RPS24: variants seen among roughly 807,000 people sequenced by gnomAD.
The protein encoded by RPS24 is small ribosomal subunit protein eS24.
For synonymous variants in RPS24, 72 were observed against 55.6 expected (o/e 1.30, Z -1.31); for missense variants, 100 against 162.5 (o/e 0.62, Z 2.09).
Position 78,054,874 on chromosome 10 carries a change from C to T in RPS24, c.734C>T (p.Pro245Leu). 2 of 1,547,854 alleles carry T rather than the reference C, an allele frequency of 1.3e-6. No individual in the cohort carries two copies. Among genetic ancestry groups the T allele is most frequent in the Non-Finnish European group, 1.7e-6 (2 of 1,143,908 alleles). ...GACGGTGACTTGGTCCTCCACTTGC[C>T]AGAAGCCTTGTCAGCAACCTTGACT... The change falls in exon 5 of 5, where the codon CCA becomes CTA. Residue 245 changes from proline to leucine, a missense_variant. Physicochemically the swap from Pro to Leu is moderately conservative, Grantham distance 98. Transcript: ENST00000440692.
At chr10:78,039,450 C>T (rs1847944854) in intron 4 of RPS24, 1 of 152,552 alleles carries the variant, frequency 6.6e-6, no homozygotes, top group Non-Finnish European at 1.5e-5. Flanking sequence ...TAGCACTGCT[C>T]TGAAAAGCCA....
intron 4 of RPS24, chr10:78,037,913 T>C: frequency 3.3e-6 from 3 of 916,748 alleles, no homozygotes; most frequent in Middle Eastern, 2.7e-4. Context: ...TTTTTTTTTT[T>C]TTTTTTTTTT....
chr10:78,044,332 C>T (rs1341766359), downstream of RPS24, among the ~76,000 whole-genome samples: 1 of 152,112 alleles, frequency 6.6e-6, no homozygotes, highest in Non-Finnish European at 1.5e-5. Context: ...ACCAGTCATT[C>T]TGCAAGGGGA....
At position 78,033,991 on chromosome 10, in the gene RPS24, G is replaced by A. The variant is rs1847799603; in HGVS notation, c.3+87G>A. 9 of 1,529,240 alleles carry A rather than the reference G, an allele frequency of 5.9e-6. No individual in the cohort carries two copies. The South Asian group carries it at 6.7e-5, about 11-fold the overall frequency. 94.7% of individuals were successfully genotyped at this position (1,529,240 alleles called of 1,614,324 possible). The stretch of plus-strand genomic sequence containing the variant: ...GTCCCAGTACTTGAGCTATAGGCAC[G>A]CGAAGCCCGGTTGCTCTTCTCTGGC... On this transcript the variant is annotated intron_variant, in intron 1 of 5. Transcript: ENST00000372360.
chr10:78,039,615 C>A (rs1197188925), intron 4 of RPS24: 1 of 154,806 alleles, frequency 6.5e-6, no homozygotes, highest in African/African-American at 2.4e-5. Flanking sequence ...GTTACTTATA[C>A]TAAGGCATTA....
chr10:78,053,221 C>G (rs1432480822), intron 4 of RPS24, among the ~76,000 whole-genome samples: 1 of 151,498 alleles, frequency 6.6e-6, no homozygotes, highest in Non-Finnish European at 1.5e-5. Context: ...AACCTCGGAG[C>G]TAATGGAAGG....
chr10:78,037,452 T>G, intron 4 of RPS24, 148 bp downstream of exon 4: 2 of 1,324,846 alleles, frequency 1.5e-6, no homozygotes, highest in Non-Finnish European at 2.0e-6. Context: ...GTAACATGTT[T>G]TAAGAAACTA....
chr10:78,040,669 G>A lies in RPS24; in HGVS notation c.*74G>A, dbSNP rs763036935. 2.5e-5 allele frequency: 41 copies of A among 1,613,874 alleles called. 1 individual carries two copies. The South Asian group carries it at 3.1e-4, about 12-fold the overall frequency. On this transcript the variant is annotated 3_prime_UTR_variant, in exon 6 of 6. Coordinates refer to ENST00000372360, the MANE Select transcript of RPS24 (RefSeq NM_033022.4). The stretch of plus-strand genomic sequence containing the variant: ...TAGCTGTGGCCACTGTGGATTTTTC[G>A]CAAGAACATTAATAAACTAAAAACT...
At chr10:78,035,292 T>C in intron 1 of RPS24, 60 bp from the exon 2 acceptor site, 1 of 1,522,650 alleles carries the variant, frequency 6.6e-7, no homozygotes, top group Non-Finnish European at 9.1e-7. Flanking sequence ...TCTTGGAAAA[T>C]CACAGCAAGG....
exon 5 of RPS24, chr10:78,055,186 C>CG: frequency 9.2e-7 from 1 of 1,088,942 alleles, no homozygotes; most frequent in East Asian, 2.9e-5. Flanking sequence ...GACCTCCCCA[C>CG]GCCCCCACAA....
chr10:78,035,229 A>C, intron 1 of RPS24, 123 bp from the exon 2 acceptor site: 1 of 958,544 alleles, frequency 1.0e-6, no homozygotes, highest in South Asian at 1.3e-5. Context: ...GGTTTTATTT[A>C]CTTTAGTTCG....
chr10:78,051,661 C>T (rs1848099975), intron 4 of RPS24, among the ~76,000 whole-genome samples: 1 of 152,214 alleles, frequency 6.6e-6, no homozygotes, highest in African/African-American at 2.4e-5. Context: ...AGAGGCAGCA[C>T]CATTTTATGT....
At chr10:78,044,088 A>T (rs995719075), downstream of RPS24, among the ~76,000 whole-genome samples, 1 of 151,340 alleles carries the variant, frequency 6.6e-6, no homozygotes, top group African/African-American at 2.5e-5. Context: ...TAAATTATGA[A>T]CTTTAATTAT....
intron 4 of RPS24, among the ~76,000 whole-genome samples, chr10:78,049,731 C>T (rs1848081049): frequency 6.6e-6 from 1 of 152,228 alleles, no homozygotes; most frequent in South Asian, 2.1e-4. Flanking sequence ...CCTAAGAGCA[C>T]CTTGCCCTAG....
chr10:78,037,804 C>T, intron 4 of RPS24: 3 of 448,742 alleles, frequency 6.7e-6, no homozygotes, highest in South Asian at 2.2e-5. Flanking sequence ...CAGCTTTTTA[C>T]CAGCTTTGCT....
chr10:78,037,104 A>G, intron 3 of RPS24, 90 bp from the exon 4 acceptor site: 1 of 1,491,204 alleles, frequency 6.7e-7, no homozygotes, highest in Non-Finnish European at 9.1e-7. Context: ...TGTGTTTCTT[A>G]AGCTCAGACT....
chr10:78,035,461 T>A, intron 2 of RPS24, 44 bp downstream of exon 2: 1 of 1,612,512 alleles, frequency 6.2e-7, no homozygotes, highest in Non-Finnish European at 8.5e-7. Context: ...TCCTTTACTC[T>A]AAAGATGTAT....
chr10:78,040,793 G>A, downstream of RPS24: 11 of 864,936 alleles, frequency 1.3e-5, no homozygotes, highest in Non-Finnish European at 2.0e-5. Context: ...CATGCTCCAT[G>A]AAGCATTCAG....
At chr10:78,051,188 T>C (rs1848095565) in intron 4 of RPS24, among the ~76,000 whole-genome samples, 1 of 152,200 alleles carries the variant, frequency 6.6e-6, no homozygotes. Flanking sequence ...GGTGAGACTC[T>C]GTCTCAAACA....
Sources: allele counts gnomAD v4.1 joint callset (sites outside exome capture counted in the v4.1 genomes callset), GRCh38; gene constraint gnomAD v4.1.1; transcripts MANE v1.5; gene names NCBI Gene and HGNC (gene_info 2026-07-23, HGNC 2026-07-21).